The following RCN3 variants were observed in gnomAD, a reference collection of about 807,000 sequenced individuals.
The protein encoded by RCN3 is reticulocalbin-3.
Under a neutral mutation model 35.9 loss-of-function variants are expected in RCN3, and 41 were observed. The ratio of observed to expected loss-of-function variants is 1.14; its 90% CI spans 0.89 to 1.48. The LOEUF (loss-of-function observed/expected upper bound fraction) is 1.48, where lower values mean the gene tolerates loss of function less well. Among genes scored for constraint, RCN3 ranks in the 40% most tolerant of loss-of-function variants. The pLI, the probability that RCN3 is intolerant of heterozygous loss-of-function variation, is 0.00. For synonymous variants in RCN3, 187 were observed against 193.4 expected (o/e 0.97, Z 0.27); for missense variants, 451 against 471.3 (o/e 0.96, Z 0.40).
intron 4 of RCN3, among the ~76,000 whole-genome samples, chr19:49,538,759 G>C (rs73582475): frequency 0.089 from 13,578 of 152,236 alleles, 722 homozygotes; most frequent in African/African-American, 0.14. Context: ...GCAGAGGTAG[G>C]TTCTAGGCTC....
chr19:49,542,506 A>T, intron 5 of RCN3, 47 bp from the exon 6 acceptor site: 1 of 1,413,402 alleles, frequency 7.1e-7, no homozygotes, highest in Non-Finnish European at 9.7e-7. Flanking sequence ...GCTCCACTAG[A>T]CCCCCAGAGC....
chr19:49,536,949 A>G (rs2080138557), intron 3 of RCN3, 84 bp from the exon 4 acceptor site: 1 of 1,277,088 alleles, frequency 7.8e-7, no homozygotes. Context: ...TTTGTACCCC[A>G]GTAGGATTTA....
chr19:49,528,525 C>A lies in RCN3; in HGVS notation c.53C>A (p.Ala18Asp), dbSNP rs2080092658. ...LLLLLLLRHG[A>D]QGKPSPDAGP... ...CTTCTGTTGCTACTGAGGCACGGGG[C>A]CCAGGGGAAGCCATCCCCAGACGCA... Residue 18 changes from alanine to aspartate, a missense_variant, in exon 2 of 7, where the codon GCC (alanine) becomes GAC (aspartate). Physicochemically the swap from Ala to Asp is moderately radical, Grantham distance 126. Transcript: ENST00000270645. The A allele has an allele frequency of 6.4e-7, 1 of 1,562,912 alleles. No homozygotes were observed.
At chr19:49,536,897 C>A in intron 3 of RCN3, 136 bp from the exon 4 acceptor site, 1 of 738,368 alleles carries the variant, frequency 1.4e-6, no homozygotes, top group African/African-American at 1.8e-5. Flanking sequence ...TGAGCCACTG[C>A]ATCCAGCCTA....
intron 5 of RCN3, among the ~76,000 whole-genome samples, chr19:49,542,340 A>C (rs1189067582): frequency 6.6e-6 from 1 of 152,182 alleles, no homozygotes. Context: ...CAATCAACCA[A>C]TCAAATGAAT....
intron 5 of RCN3, among the ~76,000 whole-genome samples, chr19:49,541,948 A>C (rs61212513): frequency 0.1 from 15,363 of 151,564 alleles, 1,004 homozygotes; most frequent in African/African-American, 0.18. Flanking sequence ...CCATTGCACT[A>C]CAGCCTGGGC....
At chr19:49,538,292 G>A (rs141572200) in intron 4 of RCN3, among the ~76,000 whole-genome samples, 335 of 151,266 alleles carry the variant, frequency 2.2e-3, no homozygotes, top group Non-Finnish European at 3.6e-3. Flanking sequence ...CCTCCCGAGT[G>A]GCTGGGACTA....
chr19:49,533,908 G>A (rs527271628), intron 2 of RCN3, among the ~76,000 whole-genome samples: 72 of 151,962 alleles, frequency 4.7e-4, no homozygotes, highest in African/African-American at 1.6e-3. Context: ...GCGCGGAGAG[G>A]GTGGCCCTGC....
At chr19:49,542,958 A>G in intron 6 of RCN3, 148 bp from the exon 7 acceptor site, 1 of 756,876 alleles carries the variant, frequency 1.3e-6, no homozygotes, top group Admixed American at 2.5e-5. Context: ...AGAGAAGGAC[A>G]GGGACCAAGA....
At chr19:49,541,474 T>C (rs8100016) in intron 5 of RCN3, among the ~76,000 whole-genome samples, 15,438 of 152,056 alleles carry the variant, frequency 0.1, 1,003 homozygotes, top group African/African-American at 0.18. Flanking sequence ...TTGGGGTGGG[T>C]GCCATGGCTC....
intron 1 of RCN3, 195 bp downstream of exon 1, chr19:49,528,253 C>G (rs2080091160): frequency 4.2e-6 from 2 of 481,250 alleles, no homozygotes; most frequent in African/African-American, 4.0e-5. Flanking sequence ...CCCTGAGACT[C>G]CGTCAGAAGA....
chr19:49,538,508 C>T (rs2080147836), intron 4 of RCN3, among the ~76,000 whole-genome samples: 1 of 151,914 alleles, frequency 6.6e-6, no homozygotes, highest in East Asian at 1.9e-4. Context: ...GACAGGGTCT[C>T]GCCATGTTGC....
intron 4 of RCN3, among the ~76,000 whole-genome samples, chr19:49,538,002 T>G (rs575659526): frequency 6.6e-6 from 1 of 150,750 alleles, no homozygotes; most frequent in Non-Finnish European, 1.5e-5. Context: ...TTTTTTTTTT[T>G]AGTTTTTGAG....
chr19:49,537,140 C>G lies in RCN3; in HGVS notation c.553C>G (p.Arg185Gly). The G allele has an allele frequency of 6.3e-7, 1 of 1,596,366 alleles. No homozygotes were observed. The highest frequency in any genetic ancestry group is 8.5e-7 in the Non-Finnish European group (1 of 1,170,498). Residue 185 changes from arginine to glycine, a missense_variant, in exon 4 of 7, where the codon CGA (arginine) becomes GGA (glycine). By Grantham distance (125) the Arg-to-Gly change is moderately radical. Coordinates refer to ENST00000270645, the MANE Select transcript of RCN3 (RefSeq NM_020650.3). ...CCAGGATGGGGACTCGATGGCCACT[C>G]GAGAGGAGCTGACAGCCTTCCTGCA... ...ADQDGDSMAT[R>G]EELTAFLHPE...
intron 2 of RCN3, among the ~76,000 whole-genome samples, chr19:49,532,372 TTTTG>T (rs967861701): frequency 6.6e-5 from 10 of 151,562 alleles, no homozygotes; most frequent in South Asian, 6.3e-4. Flanking sequence ...CCAAAGTGTT[TTTTG>T]TTTGTTTGTT....
intron 5 of RCN3, among the ~76,000 whole-genome samples, chr19:49,541,960 A>T (rs141643396): frequency 0.016 from 2,454 of 151,924 alleles, 69 homozygotes; most frequent in African/African-American, 0.056. Context: ...AGCCTGGGCA[A>T]CAAGAGCGAA....
At chr19:49,535,056 G>A (rs375156579) in intron 3 of RCN3, among the ~76,000 whole-genome samples, 4 of 151,920 alleles carry the variant, frequency 2.6e-5, no homozygotes, top group Admixed American at 6.6e-5. Flanking sequence ...ACAGGGCTCC[G>A]GGGGCGGGGT....
chr19:49,538,972 A>G, intron 4 of RCN3, 147 bp from the exon 5 acceptor site: 1 of 552,874 alleles, frequency 1.8e-6, no homozygotes, highest in East Asian at 3.1e-5. Context: ...CCCACATGCC[A>G]CCTGTTGAGA....
At chr19:49,530,874 T>G (rs2080105588) in intron 2 of RCN3, among the ~76,000 whole-genome samples, 1 of 152,160 alleles carries the variant, frequency 6.6e-6, no homozygotes, top group Non-Finnish European at 1.5e-5. Flanking sequence ...CATGTGGGTA[T>G]CGGAGTGAAT....
Sources: allele counts gnomAD v4.1 joint callset (sites outside exome capture counted in the v4.1 genomes callset), GRCh38; gene constraint gnomAD v4.1.1; transcripts MANE v1.5; gene names NCBI Gene and HGNC (gene_info 2026-07-23, HGNC 2026-07-21).